Variants in NUMB observed in about 807,000 individuals in gnomAD.
NUMB encodes the protein NUMB endocytic adaptor protein, also known as protein numb homolog.
A neutral mutation model predicts 59.7 loss-of-function variants in NUMB; 29 were observed. The observed-to-expected ratio is 0.49, with a 90% confidence interval of 0.36 to 0.66. The LOEUF (loss-of-function observed/expected upper bound fraction) is 0.66, where lower values mean the gene tolerates loss of function less well. Among genes scored for constraint, NUMB ranks in the 30% least tolerant of loss-of-function variants. NUMB has a pLI of 0.00. For missense variants in NUMB, 723 were observed against 822.0 expected, an observed-to-expected ratio of 0.88 and a Z score of 1.47; for synonymous variants, 288 against 288.2, an observed-to-expected ratio of 1.00 and a Z score of 0.01.
intron 2 of NUMB, among the ~76,000 whole-genome samples, chr14:73,386,884 T>A (rs1271519334): frequency 4.1e-5 from 5 of 123,274 alleles, no homozygotes; most frequent in East Asian, 2.6e-4. Flanking sequence ...TTTTTTTTTT[T>A]TTTTTTTTTT....
intron 2 of NUMB, among the ~76,000 whole-genome samples, chr14:73,382,681 T>C (rs1286197001): frequency 6.6e-6 from 1 of 152,180 alleles, no homozygotes. Context: ...TACTTTTAAC[T>C]ACCATCAGAG....
chr14:73,402,240 T>C (rs894142658), intron 2 of NUMB, among the ~76,000 whole-genome samples: 5 of 152,154 alleles, frequency 3.3e-5, no homozygotes, highest in African/African-American at 9.7e-5. Context: ...CTTCAACAGA[T>C]GGAGAAAAAT....
intron 2 of NUMB, among the ~76,000 whole-genome samples, chr14:73,372,923 G>A (rs922617786): frequency 6.6e-6 from 1 of 152,046 alleles, no homozygotes; most frequent in African/African-American, 2.4e-5. Context: ...ATCTTTAAGT[G>A]GAGGTGAAAT....
intron 2 of NUMB, among the ~76,000 whole-genome samples, chr14:73,371,972 C>T (rs931360532): frequency 1.3e-5 from 2 of 152,046 alleles, no homozygotes; most frequent in African/African-American, 2.4e-5. Context: ...TGGCTCACGT[C>T]TGTAATCCCA....
In NUMB at chr14:73,340,053, G is replaced by T. The variant is rs533975793; in HGVS notation, c.126+15573C>A. 3.4e-3 allele frequency among the ~76,000 whole-genome samples: 519 copies of T among 152,262 alleles called. 4 individuals carry two copies. Among genetic ancestry groups the T allele is most frequent in the Non-Finnish European group, 5.7e-3 (388 of 67,998 alleles). On this transcript the variant is annotated intron_variant, in intron 4 of 12. Transcript: ENST00000555238. ...GTTGGAAGCAGGCACAGAGATTAGGGAAGCTAGCAGTTACTGATTAGGCTC... is the reference window on the plus strand; with the variant it reads ...GTTGGAAGCAGGCACAGAGATTAGGTAAGCTAGCAGTTACTGATTAGGCTC...
intron 2 of NUMB, among the ~76,000 whole-genome samples, chr14:73,393,005 A>G (rs1439708377): frequency 6.6e-6 from 1 of 152,182 alleles, no homozygotes; most frequent in African/African-American, 2.4e-5. Flanking sequence ...AGATTCTGCA[A>G]GAAGGATAAG....
chr14:73,432,689 T>C lies in NUMB; in HGVS notation c.-232-22621A>G, dbSNP rs564337465. On this transcript the variant is annotated intron_variant, in intron 1 of 12. Coordinates refer to ENST00000555238, the MANE Select transcript of NUMB (RefSeq NM_001005743.2). ...TCTCATTCACTCCTTAAGTCAGCCA[T>C]GACAGGAATAATGACACCAAATCAG... 9.2e-4 allele frequency among the ~76,000 whole-genome samples: 140 copies of C among 152,178 alleles called. 1 individual carries two copies. Among genetic ancestry groups the C allele is most frequent in the African/African-American group, 3.2e-3 (134 of 41,528 alleles).
chr14:73,433,418 T>C (rs1164966567), intron 1 of NUMB, among the ~76,000 whole-genome samples: 1 of 152,034 alleles, frequency 6.6e-6, no homozygotes, highest in Non-Finnish European at 1.5e-5. Context: ...CCAGACTCCA[T>C]CTCAAAAAAA....
chr14:73,377,401 C>T lies in NUMB; in HGVS notation c.-100-10420G>A, dbSNP rs1285403183. On this transcript the variant is annotated intron_variant, in intron 2 of 12. Coordinates refer to ENST00000555238, the MANE Select transcript of NUMB (RefSeq NM_001005743.2). ...GCCTGTAATCCAGCACTTTCGGAGG[C>T]CAAGGGGGGCAGGCAGATCACTTGA... Among the ~76,000 whole-genome samples the T allele has an allele frequency of 4.6e-5, 7 of 152,186 alleles. No homozygotes were observed. The East Asian group carries it at 1.2e-3, about 25-fold the overall frequency.
intron 4 of NUMB, among the ~76,000 whole-genome samples, chr14:73,348,380 T>C (rs1403432424): frequency 1.3e-5 from 2 of 152,160 alleles, no homozygotes; most frequent in Admixed American, 1.3e-4. Flanking sequence ...CTGCCCTCCC[T>C]GCACAGTCTC....
intron 4 of NUMB, among the ~76,000 whole-genome samples, chr14:73,329,794 C>T (rs923787907): frequency 7.9e-5 from 12 of 152,186 alleles, no homozygotes; most frequent in Non-Finnish European, 2.9e-5. Context: ...GGGAAGGATA[C>T]TTATCTTGTG....
chr14:73,312,330 T>C (rs1034881701), intron 6 of NUMB, among the ~76,000 whole-genome samples: 1 of 151,646 alleles, frequency 6.6e-6, no homozygotes, highest in African/African-American at 2.4e-5. Flanking sequence ...AAAGCAGAGG[T>C]TGCAGTGACC....
Position 73,365,976 on chromosome 14 carries a change from C to A in NUMB, c.-16+921G>T, listed in dbSNP as rs72736330. 7.2e-3 allele frequency among the ~76,000 whole-genome samples: 1,091 copies of A among 152,278 alleles called. 13 individuals are homozygous for A. The highest frequency in any genetic ancestry group is 9.7e-3 in the Non-Finnish European group (658 of 68,022). ...GTGAAAGTTCTAATAAGCACTCCTGCAAGTGATAAAACGCTGCCAACATTT... is the reference window on the plus strand; with the variant it reads ...GTGAAAGTTCTAATAAGCACTCCTGAAAGTGATAAAACGCTGCCAACATTT... On this transcript the variant is annotated intron_variant, in intron 3 of 12. Transcript: ENST00000555238.
At chr14:73,340,307 T>C (rs1892562085) in intron 4 of NUMB, among the ~76,000 whole-genome samples, 1 of 152,180 alleles carries the variant, frequency 6.6e-6, no homozygotes, top group South Asian at 2.1e-4. Context: ...GGGCCTCAGC[T>C]TCCCCACCTG....
intron 7 of NUMB, among the ~76,000 whole-genome samples, chr14:73,293,220 A>G (rs1268173168): frequency 6.6e-6 from 1 of 152,154 alleles, no homozygotes; most frequent in African/African-American, 2.4e-5. Context: ...ATTCCCAAAT[A>G]TAAGCAAATA....
In NUMB at chr14:73,282,351, G is replaced by A. The variant is rs751003150; in HGVS notation, c.1096+8C>T. On this transcript the variant is annotated splice_region_variant and intron_variant, in intron 11 of 12. Coordinates refer to ENST00000555238, the MANE Select transcript of NUMB (RefSeq NM_001005743.2). Reference sequence around the variant, plus strand: ...AGAGAACAGCTGAGCAGGTCAGAGGGCACCAACCTTGGAAGGTAGGAGATT... The same window carrying A: ...AGAGAACAGCTGAGCAGGTCAGAGGACACCAACCTTGGAAGGTAGGAGATT... 3.1e-6 allele frequency: 5 copies of A among 1,613,914 alleles called. No individual in the cohort carries two copies. The highest frequency in any genetic ancestry group is 3.4e-6 in the Non-Finnish European group (4 of 1,179,906).
At chr14:73,389,412 T>C (rs1434099572) in intron 2 of NUMB, among the ~76,000 whole-genome samples, 1 of 151,774 alleles carries the variant, frequency 6.6e-6, no homozygotes, top group Non-Finnish European at 1.5e-5. Flanking sequence ...AATCTTTGTC[T>C]CCCAGGTTCA....
intron 2 of NUMB, among the ~76,000 whole-genome samples, chr14:73,395,227 A>T (rs1896075061): frequency 6.6e-6 from 1 of 151,890 alleles, no homozygotes; most frequent in Non-Finnish European, 1.5e-5. Flanking sequence ...ATACACACAC[A>T]CTCTCTACAT....
chr14:73,429,368 T>A (rs949160158), intron 1 of NUMB, among the ~76,000 whole-genome samples: 1 of 152,060 alleles, frequency 6.6e-6, no homozygotes, highest in Non-Finnish European at 1.5e-5. Context: ...CGAGACTCCA[T>A]CTCAAAATAA....
Sources: gnomAD v4.1 joint callset for allele counts (sites outside exome capture counted in the v4.1 genomes callset) on GRCh38, gnomAD v4.1.1 for gene constraint, MANE v1.5 for transcripts, NCBI Gene and HGNC (gene_info 2026-07-23, HGNC 2026-07-21) for gene names.